The following SAMD12 variants were observed in gnomAD, a reference collection of about 807,000 sequenced individuals.
SAMD12 encodes sterile alpha motif domain containing 12.
In SAMD12, 9 loss-of-function variants were observed where a neutral mutation model predicts 15.0. That is an observed-to-expected ratio of 0.60 (90% CI 0.36 to 1.05). The LOEUF is 1.05. Among genes scored for constraint, SAMD12 ranks in the 50% least tolerant of loss-of-function variants. The pLI is 0.01. For synonymous variants in SAMD12, 86 were observed against 90.1 expected (o/e 0.96, Z 0.25); for missense variants, 230 against 234.2 (o/e 0.98, Z 0.12).
At chr8:118,266,757 C>T (rs1200954187) in intron 4 of SAMD12, among the ~76,000 whole-genome samples, 1 of 152,008 alleles carries the variant, frequency 6.6e-6, no homozygotes, top group Non-Finnish European at 1.5e-5. Flanking sequence ...ACTGCATGAT[C>T]TCTCTTATTT....
chr8:118,250,914 A>C (rs934963224), intron 4 of SAMD12, among the ~76,000 whole-genome samples: 60 of 152,232 alleles, frequency 3.9e-4, no homozygotes, highest in Non-Finnish European at 7.9e-4. Flanking sequence ...TGTCCTACAC[A>C]GGACTGCCAT....
At chr8:118,572,925 C>G (rs1266533798) in intron 2 of SAMD12, among the ~76,000 whole-genome samples, 1 of 152,080 alleles carries the variant, frequency 6.6e-6, no homozygotes, top group Non-Finnish European at 1.5e-5. Context: ...GCTGCTTCCC[C>G]CATGCTCTTC....
At chr8:118,604,015 C>G (rs1010521739) in intron 1 of SAMD12, among the ~76,000 whole-genome samples, 1 of 151,992 alleles carries the variant, frequency 6.6e-6, no homozygotes, top group Non-Finnish European at 1.5e-5. Context: ...CTAAATTTTA[C>G]CTATTTAAAG....
At chr8:118,199,883 A>G (rs1364879198) in intron 4 of SAMD12, among the ~76,000 whole-genome samples, 1 of 152,160 alleles carries the variant, frequency 6.6e-6, no homozygotes, top group Non-Finnish European at 1.5e-5. Flanking sequence ...GATCAAAGCT[A>G]TATCCAAATG....
At chr8:118,564,593 A>C (rs1308107853) in intron 2 of SAMD12, among the ~76,000 whole-genome samples, 2 of 152,224 alleles carry the variant, frequency 1.3e-5, no homozygotes, top group Non-Finnish European at 2.9e-5. Context: ...GGAGAGTAAC[A>C]GTTAAGCATA....
At chr8:118,367,001 G>A (rs10111538) in intron 4 of SAMD12, among the ~76,000 whole-genome samples, 19,994 of 151,740 alleles carry the variant, frequency 0.13, 1,742 homozygotes, top group Non-Finnish European at 0.18. Context: ...ATTCTTGTCT[G>A]GGGCTCAAGA....
chr8:118,139,083 G>A, the SAMD12 span, among the ~76,000 whole-genome samples: 4 of 152,110 alleles, frequency 2.6e-5, no homozygotes, highest in African/African-American at 4.8e-5. Context: ...CAGAGGTGGT[G>A]GAAATGGATA....
intron 4 of SAMD12, among the ~76,000 whole-genome samples, chr8:118,336,527 G>C (rs1207214791): frequency 2.0e-5 from 3 of 151,692 alleles, no homozygotes; most frequent in African/African-American, 7.3e-5. Context: ...TAATCCTTTG[G>C]GTAGATACCC....
intron 3 of SAMD12, among the ~76,000 whole-genome samples, chr8:118,417,910 G>A (rs1325270932): frequency 6.6e-6 from 1 of 152,138 alleles, no homozygotes; most frequent in Non-Finnish European, 1.5e-5. Flanking sequence ...TGAGAGGTTG[G>A]TTTTCTATTA....
the SAMD12 span, among the ~76,000 whole-genome samples, chr8:118,153,750 T>C: frequency 6.6e-6 from 1 of 152,134 alleles, no homozygotes. Context: ...GAGTGATATC[T>C]TTACCTTTCC....
chr8:118,271,884 C>T (rs936224896), intron 4 of SAMD12, among the ~76,000 whole-genome samples: 2 of 152,218 alleles, frequency 1.3e-5, no homozygotes, highest in Non-Finnish European at 2.9e-5. Flanking sequence ...TACAGCCCCC[C>T]ACTTCCTGGC....
chr8:118,434,308 T>C (rs1822508604), intron 3 of SAMD12, among the ~76,000 whole-genome samples: 1 of 152,250 alleles, frequency 6.6e-6, no homozygotes, highest in East Asian at 1.9e-4. Flanking sequence ...ATAGGAATCA[T>C]TTGTAAGCGA....
intron 2 of SAMD12, among the ~76,000 whole-genome samples, chr8:118,443,466 A>G (rs1370027865): frequency 6.6e-6 from 1 of 151,816 alleles, no homozygotes; most frequent in Non-Finnish European, 1.5e-5. Context: ...AAAAAATAAA[A>G]AACACTGTCT....
chr8:118,532,047 T>C (rs1255932833), intron 2 of SAMD12, among the ~76,000 whole-genome samples: 3 of 152,234 alleles, frequency 2.0e-5, no homozygotes, highest in African/African-American at 7.2e-5. Flanking sequence ...CCATTCAGTA[T>C]GATATTGGCT....
intron 4 of SAMD12, among the ~76,000 whole-genome samples, chr8:118,263,816 GT>G (rs1024276770): frequency 3.2e-4 from 48 of 152,060 alleles, no homozygotes; most frequent in African/African-American, 1.1e-3. Flanking sequence ...TGGCCCTGTG[GT>G]CAGGCAGTGG....
At chr8:118,331,409 A>G (rs994956302) in intron 4 of SAMD12, among the ~76,000 whole-genome samples, 6 of 152,220 alleles carry the variant, frequency 3.9e-5, no homozygotes, top group African/African-American at 1.4e-4. Context: ...ACTTGGATCT[A>G]CTGAATATTA....
chr8:118,195,990 C>A (rs1819547615), exon 5 of SAMD12: 1 of 152,172 alleles, frequency 6.6e-6, no homozygotes. Flanking sequence ...TGCTGACCTG[C>A]CGAAGGGCCA....
chr8:118,289,398 T>C (rs1037200634), intron 4 of SAMD12, among the ~76,000 whole-genome samples: 3 of 152,196 alleles, frequency 2.0e-5, no homozygotes, highest in Non-Finnish European at 4.4e-5. Flanking sequence ...CCTCAGCATA[T>C]AGGTTCCTTG....
At chr8:118,411,306 C>T (rs1366936113) in intron 3 of SAMD12, among the ~76,000 whole-genome samples, 4 of 152,170 alleles carry the variant, frequency 2.6e-5, no homozygotes, top group African/African-American at 4.8e-5. Flanking sequence ...TTCTTAACTC[C>T]ACTGCTTCCC....
Sources: allele counts gnomAD v4.1 joint callset (sites outside exome capture counted in the v4.1 genomes callset), GRCh38; gene constraint gnomAD v4.1.1; transcripts MANE v1.5; gene names NCBI Gene and HGNC (gene_info 2026-07-23, HGNC 2026-07-21).